JARID2: variants seen among roughly 807,000 people sequenced by gnomAD.
The protein encoded by JARID2 is jumonji and AT-rich interaction domain containing 2, also known as protein Jumonji.
JARID2 carries 21 observed loss-of-function variants against 125.6 expected under a neutral mutation model. The observed-to-expected ratio is 0.17, with a 90% CI of 0.12 to 0.24. The LOEUF (loss-of-function observed/expected upper bound fraction) is 0.24, where lower values mean the gene tolerates loss of function less well. JARID2 is among the 10% of genes least tolerant of loss of function. The pLI is 1.00. For missense variants in JARID2, 1,303 were observed against 1,639.6 expected (o/e 0.79, Z 3.55); for synonymous variants, 736 against 661.6 (o/e 1.11, Z -1.73).
chr6:15,410,261 A>G lies in JARID2; in HGVS notation c.219A>G (p.Pro73=). Residue 73 remains proline, a synonymous_variant, in exon 3 of 18, where the codon CCA becomes CCG. Coordinates refer to ENST00000341776, the MANE Select transcript of JARID2 (RefSeq NM_004973.4). The part of the protein sequence containing the change: ...LGNDQSKGLG[P]ASEQSENEKD... Reference sequence around the variant, plus strand: ...ATGACCAGTCTAAGGGATTAGGACCAGCATCAGAACAGTCAGAGAATGAAA... The same window carrying G: ...ATGACCAGTCTAAGGGATTAGGACCGGCATCAGAACAGTCAGAGAATGAAA... 6.2e-7 allele frequency: 1 copy of G among 1,614,182 alleles called. No homozygotes were observed. Among genetic ancestry groups the G allele is most frequent in the Non-Finnish European group, 8.5e-7 (1 of 1,179,988 alleles).
intron 5 of JARID2, among the ~76,000 whole-genome samples, chr6:15,473,723 A>G (rs1008126661): frequency 2.6e-5 from 4 of 152,204 alleles, no homozygotes; most frequent in African/African-American, 9.6e-5. Flanking sequence ...AAAAATCCCC[A>G]CAAGCCACTA....
chr6:15,404,519 G>GCACA lies in JARID2; in HGVS notation c.182-5654_182-5651dup, dbSNP rs3138770. 4.9e-3 allele frequency among the ~76,000 whole-genome samples: 673 copies of GCACA among 138,336 alleles called. 4 individuals carry two copies. The highest frequency in any genetic ancestry group is 8.4e-3 in the African/African-American group (302 of 36,026). 90.8% of individuals were successfully genotyped at this position (138,336 alleles called of 152,430 possible). A position where few individuals can be genotyped will look rare whatever the true frequency, so the allele number is the denominator to read the frequency against. ...TATAATTTTTCTATCATCTTAAAGT[G>GCACA]CACACACACACACACACACACACAC... On this transcript the variant is annotated intron_variant, in intron 2 of 17. Transcript: ENST00000341776.
At chr6:15,261,317 T>TC (rs1759866270) in intron 1 of JARID2, among the ~76,000 whole-genome samples, 1 of 98,222 alleles carries the variant, frequency 1.0e-5, no homozygotes, top group African/African-American at 2.9e-5. Context: ...TCTTCTTTTT[T>TC]TTTTTTTTTT....
At chr6:15,343,167 T>C (rs1763125653) in intron 1 of JARID2, among the ~76,000 whole-genome samples, 2 of 142,006 alleles carry the variant, frequency 1.4e-5, no homozygotes, top group Admixed American at 7.7e-5. Flanking sequence ...AGGTGGAGGT[T>C]GCAGTGAGCC....
At chr6:15,413,008 G>GT (rs1041543140) in intron 3 of JARID2, among the ~76,000 whole-genome samples, 1,071 of 47,306 alleles carry the variant, frequency 0.023, 63 homozygotes, top group Middle Eastern at 0.034. Context: ...TTGTGTTTTT[G>GT]TTTTTTTTTT....
chr6:15,451,461 ATTG>A (rs1561871316), intron 3 of JARID2, among the ~76,000 whole-genome samples: 7 of 152,308 alleles, frequency 4.6e-5, no homozygotes, highest in Admixed American at 2.0e-4. Flanking sequence ...ACAAACTTGA[ATTG>A]TTGTAGTGAA....
chr6:15,515,583 C>T (rs1275240278), intron 16 of JARID2, among the ~76,000 whole-genome samples: 4 of 152,004 alleles, frequency 2.6e-5, no homozygotes, highest in African/African-American at 9.7e-5. Context: ...GCCAGGAGTG[C>T]GAGACCAGCC....
At chr6:15,253,239 ATTT>A (rs1163646257) in intron 1 of JARID2, among the ~76,000 whole-genome samples, 8 of 151,794 alleles carry the variant, frequency 5.3e-5, no homozygotes, top group Admixed American at 3.9e-4. Context: ...TCATTTTTGT[ATTT>A]TTAGTAAAGA....
intron 2 of JARID2, among the ~76,000 whole-genome samples, chr6:15,382,049 C>T (rs1413812550): frequency 2.6e-5 from 4 of 152,046 alleles, no homozygotes; most frequent in Admixed American, 6.6e-5. Context: ...TTTGGGAGGC[C>T]GAGGCGGGCG....
intron 1 of JARID2, among the ~76,000 whole-genome samples, chr6:15,271,362 G>A (rs988262204): frequency 1.3e-5 from 2 of 152,294 alleles, no homozygotes; most frequent in African/African-American, 2.4e-5. Context: ...CCTACACTTC[G>A]TGTAGCAAGA....
intron 3 of JARID2, among the ~76,000 whole-genome samples, chr6:15,413,829 C>A (rs564094170): frequency 2.6e-5 from 4 of 152,104 alleles, no homozygotes; most frequent in Admixed American, 1.3e-4. Context: ...ATTCCGTTCA[C>A]GAGGGCAGAT....
chr6:15,480,569 C>G (rs185932829), intron 5 of JARID2, among the ~76,000 whole-genome samples: 3 of 152,280 alleles, frequency 2.0e-5, no homozygotes, highest in Admixed American at 1.3e-4. Flanking sequence ...AGTAGAAGGC[C>G]AGCTTTGTCA....
At chr6:15,446,977 C>T (rs1361653568) in intron 3 of JARID2, among the ~76,000 whole-genome samples, 4 of 152,188 alleles carry the variant, frequency 2.6e-5, no homozygotes, top group Non-Finnish European at 2.9e-5. Flanking sequence ...CCTAGTTACT[C>T]ATGTGTACAG....
intron 3 of JARID2, among the ~76,000 whole-genome samples, chr6:15,413,410 T>TGTTTC (rs1765991218): frequency 6.6e-6 from 1 of 152,204 alleles, no homozygotes; most frequent in Admixed American, 6.5e-5. Context: ...TGTTGTAGTT[T>TGTTTC]GTTTCGTGTT....
At chr6:15,350,734 T>G (rs1476540248) in intron 1 of JARID2, among the ~76,000 whole-genome samples, 1 of 150,826 alleles carries the variant, frequency 6.6e-6, no homozygotes, top group Admixed American at 6.6e-5. Flanking sequence ...TTTAAGGTTT[T>G]TTTTTTTTTT....
At chr6:15,494,413 C>CTTTTTTTTTTTT (rs60218567) in intron 6 of JARID2, among the ~76,000 whole-genome samples, 956 of 80,554 alleles carry the variant, frequency 0.012, 171 homozygotes, top group Non-Finnish European at 0.014. Context: ...TTTGGCAAGT[C>CTTTTTTTTTTTT]TTTTTTTTTT....
chr6:15,439,879 C>T (rs965656271), intron 3 of JARID2, among the ~76,000 whole-genome samples: 1 of 152,148 alleles, frequency 6.6e-6, no homozygotes, highest in Admixed American at 6.5e-5. Context: ...CCTTAAAAAC[C>T]CATAGAGTAC....
At chr6:15,286,626 C>T (rs573948332) in intron 1 of JARID2, among the ~76,000 whole-genome samples, 2 of 151,460 alleles carry the variant, frequency 1.3e-5, no homozygotes, top group East Asian at 2.0e-4. Flanking sequence ...TTTGGGAGGC[C>T]GAGACGGGCG....
chr6:15,392,236 C>T (rs1336581175), intron 2 of JARID2, among the ~76,000 whole-genome samples: 1 of 152,102 alleles, frequency 6.6e-6, no homozygotes, highest in East Asian at 1.9e-4. Flanking sequence ...TTGGGATATT[C>T]GTTTGTATAC....
Sources: gnomAD v4.1 joint callset for allele counts (sites outside exome capture counted in the v4.1 genomes callset) on GRCh38, gnomAD v4.1.1 for gene constraint, MANE v1.5 for transcripts, NCBI Gene and HGNC (gene_info 2026-07-23, HGNC 2026-07-21) for gene names.